CYB5R4: variants seen among roughly 807,000 people sequenced by gnomAD.
CYB5R4 encodes the protein cytochrome b5 reductase 4.
Under a neutral mutation model 70.2 loss-of-function variants are expected in CYB5R4, and 55 were observed. That is an observed-to-expected ratio of 0.78 (90% CI 0.63 to 0.98). CYB5R4 has a LOEUF of 0.98. Ranked by LOEUF, CYB5R4 falls within the 50% of genes least tolerant of loss-of-function variation. CYB5R4 has a pLI of 0.00. For synonymous variants in CYB5R4, 197 were observed against 199.5 expected (o/e 0.99, Z 0.11); for missense variants, 562 against 612.6 (o/e 0.92, Z 0.87).
intron 10 of CYB5R4, among the ~76,000 whole-genome samples, chr6:83,924,931 A>C (rs1337742421): frequency 6.6e-6 from 1 of 152,050 alleles, no homozygotes; most frequent in African/African-American, 2.4e-5. Context: ...TATGCTTTGT[A>C]TGTCTGCTTG....
At chr6:83,888,212 C>G (rs2099460544) in intron 2 of CYB5R4, among the ~76,000 whole-genome samples, 1 of 152,046 alleles carries the variant, frequency 6.6e-6, no homozygotes, top group African/African-American at 2.4e-5. Context: ...TTTCTAAAAA[C>G]CAGGTGGAAC....
At chr6:83,895,220 C>T (rs1236010575) in intron 3 of CYB5R4, among the ~76,000 whole-genome samples, 1 of 152,144 alleles carries the variant, frequency 6.6e-6, no homozygotes, top group Non-Finnish European at 1.5e-5. Flanking sequence ...GGCTGGAGTG[C>T]AGTGGTGTGA....
chr6:83,941,270 A>G (rs769391590), intron 14 of CYB5R4, among the ~76,000 whole-genome samples: 3 of 152,220 alleles, frequency 2.0e-5, no homozygotes, highest in Non-Finnish European at 4.4e-5. Context: ...AACTAAAATA[A>G]GAAGATAATT....
intron 3 of CYB5R4, among the ~76,000 whole-genome samples, chr6:83,894,146 T>C (rs1050179274): frequency 6.6e-6 from 1 of 152,222 alleles, no homozygotes; most frequent in Admixed American, 6.5e-5. Flanking sequence ...AGAGATTCTG[T>C]ATAGGTTATC....
At chr6:83,932,087 G>A (rs1252118727) in intron 10 of CYB5R4, among the ~76,000 whole-genome samples, 1 of 151,986 alleles carries the variant, frequency 6.6e-6, no homozygotes, top group African/African-American at 2.4e-5. Flanking sequence ...TGCTGAGAAT[G>A]ATGGTATACT....
chr6:83,892,723 A>G (rs549000078), intron 2 of CYB5R4, among the ~76,000 whole-genome samples: 1 of 152,204 alleles, frequency 6.6e-6, no homozygotes, highest in Admixed American at 6.5e-5. Flanking sequence ...CCATTGCTTA[A>G]CCTTTGCTGA....
chr6:83,946,572 G>A (rs1237815368), intron 14 of CYB5R4, among the ~76,000 whole-genome samples: 1 of 152,116 alleles, frequency 6.6e-6, no homozygotes, highest in East Asian at 1.9e-4. Flanking sequence ...TCTGGCCAGG[G>A]CAGTCAGGTA....
At chr6:83,925,164 T>TAG (rs2099467084) in intron 10 of CYB5R4, among the ~76,000 whole-genome samples, 1 of 152,048 alleles carries the variant, frequency 6.6e-6, no homozygotes, top group Non-Finnish European at 1.5e-5. Context: ...TCAGGAAACT[T>TAG]ACAATCATAG....
chr6:83,936,173 G>C (rs779028820), intron 11 of CYB5R4, 51 bp from the exon 12 acceptor site: 1 of 1,371,142 alleles, frequency 7.3e-7, no homozygotes, highest in Non-Finnish European at 9.8e-7. Context: ...TTTTCATTGA[G>C]ATTTTTGGAT....
intron 2 of CYB5R4, among the ~76,000 whole-genome samples, chr6:83,872,961 G>A (rs181905369): frequency 9.8e-4 from 149 of 152,234 alleles, no homozygotes; most frequent in Non-Finnish European, 1.9e-3. Context: ...CAGAGAGTCT[G>A]GTAACTTGCC....
intron 14 of CYB5R4, among the ~76,000 whole-genome samples, chr6:83,943,775 T>C (rs2099470133): frequency 6.6e-6 from 1 of 151,854 alleles, no homozygotes; most frequent in Non-Finnish European, 1.5e-5. Flanking sequence ...AAAGACCTGA[T>C]GGAACTGAAA....
chr6:83,866,704 C>T (rs893781213), intron 2 of CYB5R4, among the ~76,000 whole-genome samples: 1 of 152,010 alleles, frequency 6.6e-6, no homozygotes, highest in Non-Finnish European at 1.5e-5. Context: ...CATCCTTGAC[C>T]TCCTGAGCTC....
chr6:83,883,623 T>C (rs1304080561), intron 2 of CYB5R4, among the ~76,000 whole-genome samples: 1 of 152,198 alleles, frequency 6.6e-6, no homozygotes, highest in African/African-American at 2.4e-5. Context: ...GGAAATTTAT[T>C]ACCTGTAGAT....
Position 83,898,551 on chromosome 6 carries a change from G to T in CYB5R4, c.330+4929G>T, listed in dbSNP as rs1239957268. ...TGGCATTGAATCTATAAATTACCTTGGGCAGTATGGCCATTTTCACGATAT... is the reference window on the plus strand; with the variant it reads ...TGGCATTGAATCTATAAATTACCTTTGGCAGTATGGCCATTTTCACGATAT... On this transcript the variant is annotated intron_variant, in intron 3 of 15. Transcript: ENST00000369681. 2.0e-5 allele frequency among the ~76,000 whole-genome samples: 3 copies of T among 152,086 alleles called. No individual in the cohort carries two copies. In the East Asian group the frequency reaches 5.8e-4, roughly 29 times the overall value.
At chr6:83,892,185 C>G (rs757729111) in intron 2 of CYB5R4, among the ~76,000 whole-genome samples, 6 of 152,166 alleles carry the variant, frequency 3.9e-5, no homozygotes, top group Non-Finnish European at 8.8e-5. Context: ...TGGAATGCTG[C>G]TGAAAGAAAT....
intron 14 of CYB5R4, among the ~76,000 whole-genome samples, chr6:83,950,745 G>GA (rs1334244040): frequency 6.6e-6 from 1 of 151,780 alleles, no homozygotes; most frequent in Non-Finnish European, 1.5e-5. Flanking sequence ...AAAGGTATAA[G>GA]AAAAAAATCA....
chr6:83,869,626 C>T (rs755426062), intron 2 of CYB5R4, among the ~76,000 whole-genome samples: 38 of 152,096 alleles, frequency 2.5e-4, no homozygotes, highest in Non-Finnish European at 4.1e-4. Flanking sequence ...GTCACGAGTT[C>T]GAGAACAACC....
chr6:83,918,698 A>C (rs901746844), intron 6 of CYB5R4, among the ~76,000 whole-genome samples: 1 of 152,032 alleles, frequency 6.6e-6, no homozygotes, highest in Non-Finnish European at 1.5e-5. Flanking sequence ...TAAGCAATAC[A>C]TATATATTTC....
chr6:83,863,668 C>T (rs996242558), intron 1 of CYB5R4, among the ~76,000 whole-genome samples: 1 of 151,780 alleles, frequency 6.6e-6, no homozygotes, highest in Non-Finnish European at 1.5e-5. Flanking sequence ...CTGGGTTCCG[C>T]GTCCAAGGAT....
Sources: allele counts gnomAD v4.1 joint callset (sites outside exome capture counted in the v4.1 genomes callset), GRCh38; gene constraint gnomAD v4.1.1; transcripts MANE v1.5; gene names NCBI Gene and HGNC (gene_info 2026-07-23, HGNC 2026-07-21).